The following SCTR variants were observed in gnomAD, a reference collection of about 807,000 sequenced individuals.
The protein encoded by SCTR is secretin receptor, also known as pancreatic secretin receptor.
SCTR carries 56 observed loss-of-function variants against 60.8 expected under a neutral mutation model. The ratio of observed to expected loss-of-function variants is 0.92; its 90% CI spans 0.74 to 1.15. The LOEUF (loss-of-function observed/expected upper bound fraction) is 1.15. Among genes scored for constraint, SCTR ranks in the 50% most tolerant of loss-of-function variants. The probability of loss-of-function intolerance (pLI) is 0.00; values close to 1 mark genes in which losing one functional copy is unlikely to be tolerated. For missense variants in SCTR, 562 were observed against 550.4 expected, an observed-to-expected ratio of 1.02 and a Z score of -0.21; for synonymous variants, 202 against 217.0, an observed-to-expected ratio of 0.93 and a Z score of 0.61.
At chr2:119,515,198 G>A (rs1291721415) in intron 1 of SCTR, among the ~76,000 whole-genome samples, 1 of 152,322 alleles carries the variant, frequency 6.6e-6, no homozygotes, top group South Asian at 2.1e-4. Flanking sequence ...GGCCAGAGAA[G>A]TCAATGGCCA....
chr2:119,471,997 G>A (rs576527948), intron 4 of SCTR, among the ~76,000 whole-genome samples: 2 of 152,270 alleles, frequency 1.3e-5, no homozygotes, highest in South Asian at 4.1e-4. Flanking sequence ...ATATTTATTG[G>A]GCACCTCATA....
intron 2 of SCTR, chr2:119,486,985 A>T (rs1385749386): frequency 6.6e-6 from 1 of 152,236 alleles, no homozygotes; most frequent in African/African-American, 2.4e-5. Flanking sequence ...ATGCGTGAAG[A>T]ACTGATTCAT....
chr2:119,503,598 T>TA lies in SCTR; in HGVS notation c.73-9051dup, dbSNP rs555948535. Among the ~76,000 whole-genome samples the TA allele has an allele frequency of 2.7e-3, 409 of 151,722 alleles. 1 individual carries two copies. The highest frequency in any genetic ancestry group is 4.2e-3 in the Non-Finnish European group (284 of 67,922). On this transcript the variant is annotated intron_variant, in intron 1 of 12. Transcript: ENST00000019103. ...GAAAAGGCAAAAACTTTGGTGACAG[T>TA]AAAAAAAATCAGTGGTTGCCAGGGG...
At chr2:119,478,310 T>G (rs1160394936) in intron 3 of SCTR, among the ~76,000 whole-genome samples, 1 of 152,146 alleles carries the variant, frequency 6.6e-6, no homozygotes, top group East Asian at 1.9e-4. Flanking sequence ...CTAGGAAAAT[T>G]CTTAAATCCG....
At chr2:119,474,725 T>C (rs1243066743) in intron 3 of SCTR, among the ~76,000 whole-genome samples, 1 of 152,208 alleles carries the variant, frequency 6.6e-6, no homozygotes, top group African/African-American at 2.4e-5. Context: ...CTGCCCATTT[T>C]ACAGGACAGA....
intron 11 of SCTR, among the ~76,000 whole-genome samples, chr2:119,444,117 G>A (rs13028975): frequency 1.5e-4 from 6 of 39,976 alleles, no homozygotes; most frequent in Admixed American, 2.4e-4. Context: ...ATTTTCTCAT[G>A]TGTGTGTATA....
intron 10 of SCTR, among the ~76,000 whole-genome samples, 192 bp downstream of exon 10, chr2:119,448,497 A>AC: frequency 6.6e-6 from 1 of 151,778 alleles, no homozygotes; most frequent in Non-Finnish European, 1.5e-5. Context: ...TAGTGTTTCC[A>AC]CCCCCATACA....
At chr2:119,443,837 G>A (rs1300411908) in intron 11 of SCTR, among the ~76,000 whole-genome samples, 1 of 152,154 alleles carries the variant, frequency 6.6e-6, no homozygotes, top group Admixed American at 6.5e-5. Context: ...GTGAGCCCCC[G>A]CGCCCGGCCA....
At chr2:119,474,835 C>T (rs1486927708) in intron 3 of SCTR, among the ~76,000 whole-genome samples, 1 of 152,214 alleles carries the variant, frequency 6.6e-6, no homozygotes, top group Admixed American at 6.5e-5. Flanking sequence ...TCAGGGGCAG[C>T]GTCTAGGACC....
intron 11 of SCTR, among the ~76,000 whole-genome samples, 160 bp downstream of exon 11, chr2:119,446,599 T>C (rs1162655200): frequency 6.6e-6 from 1 of 152,138 alleles, no homozygotes; most frequent in African/African-American, 2.4e-5. Context: ...GGACCAGGGA[T>C]CCCACTCAGG....
At chr2:119,473,676 C>T (rs995037201) in intron 3 of SCTR, 120 bp from the exon 4 acceptor site, 10 of 690,498 alleles carry the variant, frequency 1.4e-5, no homozygotes, top group Admixed American at 1.1e-4. Context: ...CTGAGGCACA[C>T]AGCAGTTCCA....
At chr2:119,516,022 G>A (rs944721555) in intron 1 of SCTR, among the ~76,000 whole-genome samples, 1 of 152,178 alleles carries the variant, frequency 6.6e-6, no homozygotes. Context: ...GCCGCAATGA[G>A]CCATCATCTC....
intron 1 of SCTR, among the ~76,000 whole-genome samples, chr2:119,507,347 T>G (rs967986606): frequency 6.6e-6 from 1 of 152,210 alleles, no homozygotes; most frequent in East Asian, 1.9e-4. Context: ...AGAAAATGCA[T>G]GAAAATATTA....
At chr2:119,490,335 A>G (rs744927) in intron 2 of SCTR, among the ~76,000 whole-genome samples, 120,605 of 152,162 alleles carry the variant, frequency 0.79, 47,970 homozygotes, top group East Asian at 0.88. Flanking sequence ...CTGCTCACAA[A>G]CCCTCATGTT....
rs576199684 is a variant in SCTR, at chr2:119,507,422, T to A, written c.73-12874A>T. ...TATGCAGAGGAAGGTAGACAACCAA[T>A]GTGTGTGTAGCCCTGCTATCACTAA... On this transcript the variant is annotated intron_variant, in intron 1 of 12. Coordinates refer to ENST00000019103, the MANE Select transcript of SCTR (RefSeq NM_002980.3). Among the ~76,000 whole-genome samples the A allele has an allele frequency of 5.3e-5, 8 of 152,256 alleles. No individual in the cohort carries two copies. The East Asian group carries it at 1.5e-3, about 29-fold the overall frequency.
chr2:119,476,221 A>G (rs1168379505), intron 3 of SCTR, among the ~76,000 whole-genome samples: 3 of 152,112 alleles, frequency 2.0e-5, no homozygotes, highest in Non-Finnish European at 4.4e-5. Context: ...TCAGACCCAG[A>G]AGTAGATCTA....
chr2:119,512,332 TCCC>T (rs1197529573), intron 1 of SCTR, among the ~76,000 whole-genome samples: 15,422 of 75,800 alleles, frequency 0.2, 1,088 homozygotes, highest in Non-Finnish European at 0.25. Flanking sequence ...CCCTTCCCCT[TCCC>T]CTTCCCCTTC....
chr2:119,479,788 T>C (rs1406690214), intron 2 of SCTR: 2 of 152,232 alleles, frequency 1.3e-5, no homozygotes, highest in Non-Finnish European at 2.9e-5. Flanking sequence ...ACGACTAGTA[T>C]ACATAGACAC....
At chr2:119,493,270 A>G (rs1678207790) in intron 2 of SCTR, among the ~76,000 whole-genome samples, 1 of 152,176 alleles carries the variant, frequency 6.6e-6, no homozygotes, top group Admixed American at 6.5e-5. Context: ...ATAATATCCC[A>G]TTGGATGGAT....
Sources: gnomAD v4.1 joint callset for allele counts (sites outside exome capture counted in the v4.1 genomes callset) on GRCh38, gnomAD v4.1.1 for gene constraint, MANE v1.5 for transcripts, NCBI Gene and HGNC (gene_info 2026-07-23, HGNC 2026-07-21) for gene names.